Variants in OXNAD1 observed in about 807,000 individuals in gnomAD.
The protein encoded by OXNAD1 is oxidoreductase NAD binding domain containing 1.
OXNAD1 carries 34 observed loss-of-function variants against 32.9 expected under a neutral mutation model. The observed-to-expected ratio is 1.03, with a 90% CI of 0.79 to 1.38. The LOEUF (loss-of-function observed/expected upper bound fraction) is 1.38, where lower values mean the gene tolerates loss of function less well. Among genes scored for constraint, OXNAD1 ranks in the 40% most tolerant of loss-of-function variants. The pLI is 0.00. For missense variants in OXNAD1, 407 were observed against 379.4 expected, an observed-to-expected ratio of 1.07 and a Z score of -0.60; for synonymous variants, 134 against 135.2, an observed-to-expected ratio of 0.99 and a Z score of 0.06.
chr3:16,323,960 C>CAA (rs2069379276), intron 9 of OXNAD1, among the ~76,000 whole-genome samples: 1 of 152,180 alleles, frequency 6.6e-6, no homozygotes, highest in Non-Finnish European at 1.5e-5. Context: ...GCGGGCCCTG[C>CAA]AAGGCAGTGC....
At chr3:16,323,232 T>C (rs1043670680) in intron 9 of OXNAD1, 3 of 629,834 alleles carry the variant, frequency 4.8e-6, no homozygotes, top group Non-Finnish European at 5.6e-6. Context: ...GAGATGTGAT[T>C]CGGGTTGCCA....
rs760533399 is a variant in OXNAD1, at chr3:16,345,372, CCT to C, written c.*31-3803_*31-3802del. 1 of 151,588 alleles carries C rather than the reference CCT, an allele frequency of 6.6e-6. No individual in the cohort carries two copies. Among genetic ancestry groups the C allele is most frequent in the Admixed American group, 6.6e-5 (1 of 15,218 alleles). 9.4% of individuals were successfully genotyped at this position (151,588 alleles called of 1,614,324 possible). On this transcript the variant is annotated intron_variant, in intron 9 of 9. Coordinates refer to the OXNAD1 transcript ENST00000606098. This position sits in a 1 kb window ranked among gnomAD's most constrained non-coding sequence, Gnocchi z 5.2. ...ATTGGGAAAACCTAAAGATATAGCC[CCT>C]GTTATCACATTGAGCCCTTAACTTG...
chr3:16,318,454 T>C (rs493626), intron 9 of OXNAD1, among the ~76,000 whole-genome samples: 88,313 of 152,028 alleles, frequency 0.58, 25,830 homozygotes, highest in African/African-American at 0.66. Flanking sequence ...AAGGCTTTAG[T>C]ATGTTGTAAA....
At chr3:16,270,553 C>A (rs1048326717) in intron 2 of OXNAD1, among the ~76,000 whole-genome samples, 1 of 152,146 alleles carries the variant, frequency 6.6e-6, no homozygotes, top group East Asian at 1.9e-4. Flanking sequence ...CTTCCTCTTA[C>A]ACTTAACAAG....
rs552037859 is a variant in OXNAD1, at chr3:16,303,320, C to T, written c.785-88C>T. On this transcript the variant is annotated intron_variant, in intron 8 of 8. Transcript: ENST00000285083. This position sits in a 1 kb window ranked among gnomAD's most constrained non-coding sequence, Gnocchi z 4.8. ...TAGACTCACTGAACTTGGAAATAAACACTGTATCTGAATTGTGGTTAGTCC... is the reference window on the plus strand; with the variant it reads ...TAGACTCACTGAACTTGGAAATAAATACTGTATCTGAATTGTGGTTAGTCC... The T allele has an allele frequency of 2.1e-6, 3 of 1,441,694 alleles. No individual in the cohort carries two copies. In the East Asian group the frequency reaches 6.9e-5, roughly 33 times the overall value. The allele number at this position is 1,441,694 out of a possible 1,614,324, so 89.3% of individuals were successfully genotyped here.
At chr3:16,341,522 G>T (rs76811909), downstream of OXNAD1, among the ~76,000 whole-genome samples, 4,563 of 152,280 alleles carry the variant, frequency 0.03, 102 homozygotes, top group Middle Eastern at 0.082. The surrounding 1 kb of genome is among the most constrained non-coding windows in gnomAD (Gnocchi z 4.7). Flanking sequence ...ATATTACTAA[G>T]TGAAAGAAGC....
In OXNAD1 at chr3:16,299,486, T is replaced by G. The variant is rs1343793508; in HGVS notation, c.433-2140T>G. ...CTCCCACATATTTAAAATAGTGAGG[T>G]TCAGACATTTTTTCCCCTGAAAGAG... is the stretch of plus-strand genomic sequence containing the variant. On this transcript the variant is annotated intron_variant, in intron 6 of 8. Transcript: ENST00000285083. This position sits in a 1 kb window ranked among gnomAD's most constrained non-coding sequence, Gnocchi z 4.4. 6.6e-6 allele frequency among the ~76,000 whole-genome samples: 1 copy of G among 152,164 alleles called. No individual in the cohort carries two copies. The highest frequency in any genetic ancestry group is 1.5e-5 in the Non-Finnish European group (1 of 68,020).
Position 16,317,106 on chromosome 3 carries a change from T to C in OXNAD1, c.*30+13514T>C, listed in dbSNP as rs559765198. 2.7e-5 allele frequency: 44 copies of C among 1,614,014 alleles called. No homozygotes were observed. The East Asian group carries it at 8.5e-4, about 31-fold the overall frequency. On this transcript the variant is annotated intron_variant, in intron 9 of 9. Coordinates refer to the OXNAD1 transcript ENST00000435829. The surrounding 1 kb of genome is among the most constrained non-coding windows in gnomAD (Gnocchi z 4.3). ...ACACAGTTTCCCATGTCTCCAGCTT[T>C]GGAAGACTGGTCTTCTAAGTTCTTC...
rs1233603549 is a variant in OXNAD1, at chr3:16,312,988, A to C, written c.*30+9396A>C. Reference sequence around the variant, plus strand: ...ATATACTACGCTTCAGTAGCCAATAAATCTCAAAATCTCAGTGGCTCACCT... The same window carrying C: ...ATATACTACGCTTCAGTAGCCAATACATCTCAAAATCTCAGTGGCTCACCT... On this transcript the variant is annotated intron_variant, in intron 9 of 9. Transcript: ENST00000435829. This position sits in a 1 kb window ranked among gnomAD's most constrained non-coding sequence, Gnocchi z 4.7. Among the ~76,000 whole-genome samples, 1 of 152,084 alleles carries C rather than the reference A, an allele frequency of 6.6e-6. No homozygotes were observed. Among genetic ancestry groups the C allele is most frequent in the Non-Finnish European group, 1.5e-5 (1 of 68,026 alleles).
intron 9 of OXNAD1, among the ~76,000 whole-genome samples, chr3:16,324,531 T>C (rs945149029): frequency 1.2e-4 from 18 of 151,992 alleles, no homozygotes; most frequent in African/African-American, 4.4e-4. Flanking sequence ...GATTATAAGG[T>C]ATGTCATTCT....
At chr3:16,343,447 T>C (rs951623666) in intron 9 of OXNAD1, among the ~76,000 whole-genome samples, 1 of 152,232 alleles carries the variant, frequency 6.6e-6, no homozygotes, top group African/African-American at 2.4e-5. Context: ...CCTTGTTTTT[T>C]CCTCCTCCAA....
Position 16,320,767 on chromosome 3 carries a change from A to C in OXNAD1, c.*31-16345A>C, listed in dbSNP as rs149495138. Among the ~76,000 whole-genome samples the C allele has an allele frequency of 5.7e-3, 867 of 152,318 alleles. 7 individuals are homozygous for C. Among genetic ancestry groups the C allele is most frequent in the African/African-American group, 0.02 (817 of 41,556 alleles). ...AGGCCACAGAGGAGCTGGAGGCCAC[A>C]GAGAATGGGAGGCTGGCAGAGGAGG... On this transcript the variant is annotated intron_variant, in intron 9 of 9. Coordinates refer to the OXNAD1 transcript ENST00000435829. The surrounding 1 kb of genome is among the most constrained non-coding windows in gnomAD (Gnocchi z 4.5).
At position 16,316,544 on chromosome 3, in the gene OXNAD1, A is replaced by C. The variant is rs2068415777; in HGVS notation, c.*30+12952A>C. 2.2e-6 allele frequency: 1 copy of C among 462,030 alleles called. No homozygotes were observed. Among genetic ancestry groups the C allele is most frequent in the Non-Finnish European group, 3.9e-6 (1 of 255,068 alleles). 28.6% of individuals were successfully genotyped at this position (462,030 alleles called of 1,614,324 possible). A position where few individuals can be genotyped will look rare whatever the true frequency, so the allele number is the denominator to read the frequency against. On this transcript the variant is annotated intron_variant, in intron 9 of 9. Coordinates refer to the OXNAD1 transcript ENST00000435829. The surrounding 1 kb of genome is among the most constrained non-coding windows in gnomAD (Gnocchi z 4.5). ...ATGGTCCAGACCCTCTGGCTGGAGG[A>C]GTGGTGGAGCCAGGACTGGGCCTTC...
At chr3:16,341,682 G>A (rs1366250952), downstream of OXNAD1, among the ~76,000 whole-genome samples, 1 of 152,066 alleles carries the variant, frequency 6.6e-6, no homozygotes, top group Non-Finnish European at 1.5e-5. The surrounding 1 kb of genome is among the most constrained non-coding windows in gnomAD (Gnocchi z 4.7). Flanking sequence ...CTATACAAGA[G>A]CAAGAAAATT....
chr3:16,317,688 G>C lies in OXNAD1; in HGVS notation c.*30+14096G>C, dbSNP rs2068564329. ...TCTCTCACTAGGTCACCTGAGTAAG[G>C]CAGGGCCCAGAACATGGGGCAGACA... On this transcript the variant is annotated intron_variant, in intron 9 of 9. Transcript: ENST00000435829. This position sits in a 1 kb window ranked among gnomAD's most constrained non-coding sequence, Gnocchi z 4.3. Among the ~76,000 whole-genome samples, 1 of 152,152 alleles carries C rather than the reference G, an allele frequency of 6.6e-6. No homozygotes were observed. The highest frequency in any genetic ancestry group is 2.4e-5 in the African/African-American group (1 of 41,434).
Position 16,316,856 on chromosome 3 carries a change from C to G in OXNAD1, c.*30+13264C>G. The G allele has an allele frequency of 6.2e-7, 1 of 1,614,174 alleles. No individual in the cohort carries two copies. The highest frequency in any genetic ancestry group is 8.5e-7 in the Non-Finnish European group (1 of 1,180,030). ...GTTTTCTTCAACCGTACCAAGCTCT[C>G]TGACTTCCTCAGCATCCCCGTCCCT... On this transcript the variant is annotated intron_variant, in intron 9 of 9. Transcript: ENST00000435829. This position sits in a 1 kb window ranked among gnomAD's most constrained non-coding sequence, Gnocchi z 4.5.
intron 5 of OXNAD1, 84 bp from the exon 6 acceptor site, chr3:16,294,772 C>T: frequency 2.3e-6 from 3 of 1,324,642 alleles, no homozygotes; most frequent in Admixed American, 2.3e-5. Context: ...TTTTCATAGT[C>T]TTGCAAAGGT....
rs2071897077 is a variant in OXNAD1, at chr3:16,348,687, ACT to A, written c.*31-484_*31-483del. On this transcript the variant is annotated intron_variant, in intron 9 of 9. Coordinates refer to the OXNAD1 transcript ENST00000606098. The surrounding 1 kb of genome is among the most constrained non-coding windows in gnomAD (Gnocchi z 6.3). ...TGTTCCTGGGCATCAAAAAGTAGTCACTCTCTTTGAGCCTATGGAGTTTCCCA... is the reference window on the plus strand; with the variant it reads ...TGTTCCTGGGCATCAAAAAGTAGTCACTCTTTGAGCCTATGGAGTTTCCCA... 6.6e-6 allele frequency among the ~76,000 whole-genome samples: 1 copy of A among 151,532 alleles called. No homozygotes were observed. Among genetic ancestry groups the A allele is most frequent in the Non-Finnish European group, 1.5e-5 (1 of 67,890 alleles).
chr3:16,343,310 TG>T (rs1222472012), intron 9 of OXNAD1, among the ~76,000 whole-genome samples: 8 of 152,216 alleles, frequency 5.3e-5, no homozygotes, highest in Admixed American at 2.6e-4. Context: ...CCACTTCCTC[TG>T]CTAAAGAGTT....
Sources: gnomAD v4.1 joint callset for allele counts (sites outside exome capture counted in the v4.1 genomes callset) on GRCh38, gnomAD v4.1.1 for gene constraint, Gnocchi (gnomAD v3.1) non-coding constraint, MANE v1.5 for transcripts, NCBI Gene and HGNC (gene_info 2026-07-23, HGNC 2026-07-21) for gene names.